HS6ST3: variants seen among roughly 807,000 people sequenced by gnomAD.
HS6ST3 encodes the protein heparan sulfate 6-O-sulfotransferase 3, also known as heparan-sulfate 6-O-sulfotransferase 3.
In HS6ST3, 12 loss-of-function variants were observed where a neutral mutation model predicts 36.7. The ratio of observed to expected loss-of-function variants is 0.33; its 90% CI spans 0.21 to 0.53. The LOEUF (loss-of-function observed/expected upper bound fraction) is 0.53. Among genes scored for constraint, HS6ST3 ranks in the 20% least tolerant of loss-of-function variants. The probability of loss-of-function intolerance (pLI) is 0.95; values close to 1 mark genes in which losing one functional copy is unlikely to be tolerated. For synonymous variants in HS6ST3, 240 were observed against 257.5 expected (o/e 0.93, Z 0.65); for missense variants, 584 against 640.9 (o/e 0.91, Z 0.96).
chr13:96,456,808 A>G (rs1400791940), intron 1 of HS6ST3, among the ~76,000 whole-genome samples: 1 of 152,148 alleles, frequency 6.6e-6, no homozygotes, highest in Non-Finnish European at 1.5e-5. Context: ...TAAATAAGTC[A>G]TGGATTTTAC....
intron 1 of HS6ST3, among the ~76,000 whole-genome samples, chr13:96,757,968 C>T (rs61968182): frequency 0.039 from 5,927 of 152,038 alleles, 137 homozygotes; most frequent in African/African-American, 0.067. Flanking sequence ...ATGCTGGTCT[C>T]ATATGTAGAG....
chr13:96,417,785 G>A (rs1451779297), intron 1 of HS6ST3, among the ~76,000 whole-genome samples: 1 of 147,202 alleles, frequency 6.8e-6, no homozygotes. Flanking sequence ...CATTATTCAC[G>A]GTAACGATGT....
intron 1 of HS6ST3, among the ~76,000 whole-genome samples, chr13:96,330,457 G>C (rs1452604089): frequency 1.4e-5 from 2 of 147,886 alleles, no homozygotes; most frequent in African/African-American, 4.9e-5. Flanking sequence ...AGTTTGGCTG[G>C]ATATGAAATT....
intron 1 of HS6ST3, among the ~76,000 whole-genome samples, chr13:96,486,692 T>C (rs2055916778): frequency 6.6e-6 from 1 of 152,178 alleles, no homozygotes; most frequent in Non-Finnish European, 1.5e-5. Context: ...TCATATCCTT[T>C]GCCCACTTTT....
At chr13:96,491,924 T>G (rs1594792660) in intron 1 of HS6ST3, among the ~76,000 whole-genome samples, 2 of 152,178 alleles carry the variant, frequency 1.3e-5, no homozygotes, top group Non-Finnish European at 2.9e-5. Context: ...ATAGATCTAG[T>G]CTCAACCCAA....
chr13:96,523,894 T>A (rs1316285168), intron 1 of HS6ST3, among the ~76,000 whole-genome samples: 3 of 152,186 alleles, frequency 2.0e-5, no homozygotes. Flanking sequence ...CCAGTTTTGT[T>A]CCCTTGCTGG....
At chr13:96,108,991 A>G (rs1020276190) in intron 1 of HS6ST3, among the ~76,000 whole-genome samples, 17 of 151,990 alleles carry the variant, frequency 1.1e-4, no homozygotes, top group Non-Finnish European at 2.5e-4. Flanking sequence ...CTCTATCTCT[A>G]TCTCTATCCC....
chr13:96,697,187 G>A (rs745938813), intron 1 of HS6ST3, among the ~76,000 whole-genome samples: 10 of 151,598 alleles, frequency 6.6e-5, no homozygotes, highest in East Asian at 1.9e-4. Flanking sequence ...GTGTGTGTGT[G>A]TATATATGTA....
At chr13:96,298,117 A>G (rs368460398) in intron 1 of HS6ST3, among the ~76,000 whole-genome samples, 1 of 152,184 alleles carries the variant, frequency 6.6e-6, no homozygotes, top group Non-Finnish European at 1.5e-5. Flanking sequence ...CTGGTTAGAT[A>G]TGTTGTATTT....
At chr13:96,098,182 C>G (rs766339403) in intron 1 of HS6ST3, among the ~76,000 whole-genome samples, 1 of 152,136 alleles carries the variant, frequency 6.6e-6, no homozygotes, top group Admixed American at 6.5e-5. Context: ...TGTTTACTGA[C>G]AGATGTATTT....
At chr13:96,179,679 T>A (rs1365909537) in intron 1 of HS6ST3, among the ~76,000 whole-genome samples, 1 of 152,168 alleles carries the variant, frequency 6.6e-6, no homozygotes, top group Admixed American at 6.5e-5. Context: ...TTACTTAGCA[T>A]CTCTAAAACA....
At chr13:96,661,888 C>A (rs1475217795) in intron 1 of HS6ST3, among the ~76,000 whole-genome samples, 1 of 152,074 alleles carries the variant, frequency 6.6e-6, no homozygotes, top group South Asian at 2.1e-4. Context: ...TCTTTTCTGG[C>A]AGTTCTTTTC....
intron 1 of HS6ST3, among the ~76,000 whole-genome samples, chr13:96,349,972 A>G (rs1348831989): frequency 1.3e-5 from 2 of 152,116 alleles, no homozygotes; most frequent in Non-Finnish European, 2.9e-5. Flanking sequence ...TCTGTCTTTC[A>G]TTACTAAGTC....
At chr13:96,289,172 A>G (rs1040394266) in intron 1 of HS6ST3, among the ~76,000 whole-genome samples, 36 of 152,130 alleles carry the variant, frequency 2.4e-4, no homozygotes, top group African/African-American at 7.5e-4. Context: ...AAATAAGAGA[A>G]CTAATACTCT....
chr13:96,583,819 TA>T lies in HS6ST3; in HGVS notation c.708-248668del, dbSNP rs139436203. Among the ~76,000 whole-genome samples, 956 of 152,292 alleles carry T rather than the reference TA, an allele frequency of 6.3e-3. 48 individuals are homozygous for T. In the East Asian group the frequency reaches 0.12, roughly 19 times the overall value. ...GAGGCCTCCCCTGATCACTCTTATCTAAAGATGAGTTTCTCAACCTCTACGC... is the reference window on the plus strand; with the variant it reads ...GAGGCCTCCCCTGATCACTCTTATCTAAGATGAGTTTCTCAACCTCTACGC... On this transcript the variant is annotated intron_variant, in intron 1 of 1. Transcript: ENST00000376705.
intron 1 of HS6ST3, among the ~76,000 whole-genome samples, chr13:96,827,841 T>G (rs1175012388): frequency 6.6e-6 from 1 of 152,148 alleles, no homozygotes; most frequent in African/African-American, 2.4e-5. Flanking sequence ...AGATTTCCAG[T>G]GGAATGATGG....
intron 1 of HS6ST3, among the ~76,000 whole-genome samples, chr13:96,183,746 C>T (rs1438006823): frequency 6.6e-6 from 1 of 152,132 alleles, no homozygotes; most frequent in Non-Finnish European, 1.5e-5. Flanking sequence ...AGACAGAAAA[C>T]AGTGGTTTCC....
intron 1 of HS6ST3, among the ~76,000 whole-genome samples, chr13:96,311,519 C>T (rs546422560): frequency 6.6e-6 from 1 of 152,116 alleles, no homozygotes; most frequent in Non-Finnish European, 1.5e-5. Flanking sequence ...CTTTGATACT[C>T]CCGCCAGAGT....
chr13:96,091,657 G>T (rs1257466726), intron 1 of HS6ST3, 88 bp downstream of exon 1: 2 of 1,412,598 alleles, frequency 1.4e-6, no homozygotes, highest in Non-Finnish European at 1.8e-6. Flanking sequence ...CGCGCTCCCT[G>T]CCCCTGCCGA....
Sources: allele counts gnomAD v4.1 joint callset (sites outside exome capture counted in the v4.1 genomes callset), GRCh38; gene constraint gnomAD v4.1.1; transcripts MANE v1.5; gene names NCBI Gene and HGNC (gene_info 2026-07-23, HGNC 2026-07-21).